GRIK3: variants seen among roughly 807,000 people sequenced by gnomAD.
The protein encoded by GRIK3 is glutamate receptor ionotropic, kainate 3.
A neutral mutation model predicts 102.5 loss-of-function variants in GRIK3; 29 were observed. The ratio of observed to expected loss-of-function variants is 0.28; its 90% CI spans 0.21 to 0.39. The LOEUF is 0.39. Among genes scored for constraint, GRIK3 ranks in the 10% least tolerant of loss-of-function variants. The probability of loss-of-function intolerance (pLI) is 1.00; values close to 1 mark genes in which losing one functional copy is unlikely to be tolerated. For missense variants in GRIK3, 908 were observed against 1,252.4 expected (o/e 0.73, Z 4.15); for synonymous variants, 511 against 504.9 (o/e 1.01, Z -0.16).
Position 36,806,097 on chromosome 1 carries a change from C to T in GRIK3, c.2314+7G>A, listed in dbSNP as rs77275732. On this transcript the variant is annotated splice_region_variant and intron_variant, in intron 14 of 15. Transcript: ENST00000373091. The surrounding 1 kb of genome is among the most constrained non-coding windows in gnomAD (Gnocchi z 4.0). ...CCCACCCCTCCCACAGGCAGCCCCT[C>T]GCTCACCCATGGGCGTGCCGATGCC... 215 of 1,604,686 alleles carry T rather than the reference C, an allele frequency of 1.3e-4. No homozygotes were observed. The East Asian group carries it at 4.0e-3, about 30-fold the overall frequency.
rs747066064 is a variant in GRIK3, at chr1:36,859,265, C to T, written c.961-14G>A. 6 of 1,594,034 alleles carry T rather than the reference C, an allele frequency of 3.8e-6. No individual in the cohort carries two copies. In the South Asian group the frequency reaches 6.7e-5, roughly 18 times the overall value. Reference sequence around the variant, plus strand: ...GGCTGCATCAGTCTGCAGGGAAGGGCCTGCCTGAGAGCGGCTCCCAAGGCC... The same window carrying T: ...GGCTGCATCAGTCTGCAGGGAAGGGTCTGCCTGAGAGCGGCTCCCAAGGCC... On this transcript the variant is annotated splice_polypyrimidine_tract_variant and intron_variant, in intron 6 of 15. Transcript: ENST00000373091.
chr1:36,973,160 C>A (rs1266278994), intron 1 of GRIK3, among the ~76,000 whole-genome samples: 3 of 152,178 alleles, frequency 2.0e-5, no homozygotes, highest in African/African-American at 7.2e-5. Context: ...AAGCTACCCC[C>A]AGCCCTTAGG....
At chr1:37,033,018 G>C (rs1214722138) in intron 1 of GRIK3, among the ~76,000 whole-genome samples, 1 of 152,198 alleles carries the variant, frequency 6.6e-6, no homozygotes, top group Non-Finnish European at 1.5e-5. Context: ...AGGCGGCCCA[G>C]GTGTCCGGCC....
rs377477930 is a variant in GRIK3 at position 36,911,246 on chromosome 1, T to C, written c.116-20150A>G. ...GGTGCATCCAACATGACCCCAGTGTTTGAATGAGGATGAGGTTCAGCTAAG... is the reference window on the plus strand; with the variant it reads ...GGTGCATCCAACATGACCCCAGTGTCTGAATGAGGATGAGGTTCAGCTAAG... On this transcript the variant is annotated intron_variant, in intron 1 of 15. Transcript: ENST00000373091. Among the ~76,000 whole-genome samples, 6 of 151,964 alleles carry C rather than the reference T, an allele frequency of 3.9e-5. No individual in the cohort carries two copies. In the East Asian group the frequency reaches 1.2e-3, roughly 29 times the overall value.
In GRIK3 at chr1:37,014,904, T is replaced by A. The variant is rs1032350636; in HGVS notation, c.115+19090A>T. On this transcript the variant is annotated intron_variant, in intron 1 of 15. Coordinates refer to ENST00000373091, the MANE Select transcript of GRIK3 (RefSeq NM_000831.4). ...ATCTATTCTCTTCTCTCTCTCTATC[T>A]CTGTTTCTCTCTCTCTCTCTCTGTT... is the stretch of plus-strand genomic sequence containing the variant. 1.6e-4 allele frequency among the ~76,000 whole-genome samples: 24 copies of A among 148,366 alleles called. 1 individual carries two copies. The highest frequency in any genetic ancestry group is 3.1e-4 in the Non-Finnish European group (21 of 67,446).
Position 36,817,203 on chromosome 1 carries a change from T to G in GRIK3, c.1948A>C (p.Ile650Leu). Residue 650 changes from isoleucine to leucine, a missense_variant, in exon 13 of 16, where the codon ATC becomes CTC. Ile to Leu is a conservative substitution (Grantham distance 5). Coordinates refer to ENST00000373091, the MANE Select transcript of GRIK3 (RefSeq NM_000831.4). ...GIWWFFTLII[I>L]SSYTANLAAF... ...GCCAGGTTGGCCGTGTAGGAAGAGA[T>G]GATGATGAGCGTGAAGAACCACCAG... 2.5e-6 allele frequency: 4 copies of G among 1,613,770 alleles called. No individual in the cohort carries two copies. Among genetic ancestry groups the G allele is most frequent in the Non-Finnish European group, 3.4e-6 (4 of 1,179,752 alleles).
chr1:36,964,092 C>A (rs753839237), intron 1 of GRIK3, among the ~76,000 whole-genome samples: 1 of 152,204 alleles, frequency 6.6e-6, no homozygotes, highest in Non-Finnish European at 1.5e-5. Context: ...TGCTAAGAAG[C>A]CGTGGGCCTG....
chr1:37,008,840 C>G (rs1642559019), intron 1 of GRIK3, among the ~76,000 whole-genome samples: 1 of 152,220 alleles, frequency 6.6e-6, no homozygotes, highest in Non-Finnish European at 1.5e-5. Flanking sequence ...TGCCCTGAGT[C>G]AGGAGAGAAT....
chr1:36,875,029 T>C (rs1640897859), intron 3 of GRIK3, among the ~76,000 whole-genome samples: 1 of 152,246 alleles, frequency 6.6e-6, no homozygotes, highest in Non-Finnish European at 1.5e-5. Context: ...GTTGGAATCA[T>C]GCTTTTCACT....
chr1:36,954,181 C>T (rs953703007), intron 1 of GRIK3, among the ~76,000 whole-genome samples: 2 of 152,210 alleles, frequency 1.3e-5, no homozygotes, highest in Non-Finnish European at 2.9e-5. Context: ...TAGAGGGGGG[C>T]ATTCCTGTTG....
chr1:36,911,905 T>C (rs1254134511), intron 1 of GRIK3, among the ~76,000 whole-genome samples: 1 of 152,062 alleles, frequency 6.6e-6, no homozygotes, highest in Non-Finnish European at 1.5e-5. Context: ...CTGGCGGGGC[T>C]GTCCCACCTC....
At chr1:36,921,243 C>G (rs1212258475) in intron 1 of GRIK3, among the ~76,000 whole-genome samples, 1 of 152,220 alleles carries the variant, frequency 6.6e-6, no homozygotes. Flanking sequence ...TAGCTGATGA[C>G]AGGATGGTGG....
intron 1 of GRIK3, among the ~76,000 whole-genome samples, chr1:36,961,463 G>C (rs1642008295): frequency 6.6e-6 from 1 of 152,226 alleles, no homozygotes; most frequent in African/African-American, 2.4e-5. Context: ...CAGGGGCAGA[G>C]ACAAAGAAAG....
At chr1:36,942,755 G>T (rs1641741580) in intron 1 of GRIK3, among the ~76,000 whole-genome samples, 1 of 152,106 alleles carries the variant, frequency 6.6e-6, no homozygotes, top group Admixed American at 6.5e-5. Flanking sequence ...GAACTAGGAA[G>T]TCAGGGGCCA....
intron 10 of GRIK3, among the ~76,000 whole-genome samples, chr1:36,838,773 G>A (rs526267): frequency 0.19 from 29,399 of 152,112 alleles, 3,381 homozygotes; most frequent in African/African-American, 0.32. Context: ...CCAAGCCTTT[G>A]CATGCTTTCT....
At chr1:36,882,077 G>T (rs1380391481) in intron 2 of GRIK3, among the ~76,000 whole-genome samples, 1 of 152,006 alleles carries the variant, frequency 6.6e-6, no homozygotes, top group Non-Finnish European at 1.5e-5. Context: ...CACAATCCCT[G>T]TCCCCCCATG....
intron 1 of GRIK3, among the ~76,000 whole-genome samples, chr1:37,020,061 A>G (rs1369614142): frequency 6.6e-6 from 1 of 151,790 alleles, no homozygotes; most frequent in African/African-American, 2.4e-5. Context: ...TCATTCTAAC[A>G]CTCTTCACCT....
intron 1 of GRIK3, among the ~76,000 whole-genome samples, chr1:36,954,695 A>G (rs1641883334): frequency 1.3e-5 from 2 of 151,852 alleles, no homozygotes; most frequent in East Asian, 1.9e-4. Flanking sequence ...ATACATATGC[A>G]TACACAGGTC....
intron 1 of GRIK3, among the ~76,000 whole-genome samples, chr1:36,946,907 A>G (rs1213351983): frequency 6.6e-6 from 1 of 152,118 alleles, no homozygotes; most frequent in African/African-American, 2.4e-5. Context: ...TTTGTATTAT[A>G]CCCTCTACGG....
Sources: allele counts gnomAD v4.1 joint callset (sites outside exome capture counted in the v4.1 genomes callset), GRCh38; gene constraint gnomAD v4.1.1; non-coding constraint Gnocchi (gnomAD v3.1); transcripts MANE v1.5; gene names NCBI Gene and HGNC (gene_info 2026-07-23, HGNC 2026-07-21).